SRSF7: variants seen among roughly 807,000 people sequenced by gnomAD.
The protein encoded by SRSF7 is serine and arginine rich splicing factor 7.
SRSF7 carries 15 observed loss-of-function variants against 42.2 expected under a neutral mutation model. The ratio of observed to expected loss-of-function variants is 0.36; its 90% confidence interval spans 0.24 to 0.55. The LOEUF is 0.55. Among genes scored for constraint, SRSF7 ranks in the 20% least tolerant of loss-of-function variants. The pLI is 0.88. For missense variants in SRSF7, 181 were observed against 305.9 expected, an observed-to-expected ratio of 0.59 and a Z score of 3.04; for synonymous variants, 138 against 107.9, an observed-to-expected ratio of 1.28 and a Z score of -1.73.
chr2:38,749,878 G>T, intron 2 of SRSF7, 136 bp downstream of exon 2: 1 of 1,248,724 alleles, frequency 8.0e-7, no homozygotes, highest in Non-Finnish European at 1.1e-6. Context: ...TTTAACCTTC[G>T]TGTGCCTTTA....
intron 3 of SRSF7, chr2:38,749,173 C>T: frequency 7.5e-7 from 1 of 1,325,784 alleles, no homozygotes; most frequent in Non-Finnish European, 1.0e-6. Flanking sequence ...AATTTTCTGC[C>T]CTTTAAAGAA....
At chr2:38,751,103 T>C (rs926100161) in intron 1 of SRSF7, 126 bp downstream of exon 1, 2 of 1,298,342 alleles carry the variant, frequency 1.5e-6, no homozygotes, top group African/African-American at 1.5e-5. Context: ...CGGCTTCGTC[T>C]GGCGTGCTCC....
Position 38,743,763 on chromosome 2 carries a change from A to G in SRSF7, c.*1370T>C. On this transcript the variant is annotated 3_prime_UTR_variant, in exon 8 of 8. Coordinates refer to ENST00000313117, the MANE Select transcript of SRSF7 (RefSeq NM_001031684.3). The stretch of plus-strand genomic sequence containing the variant: ...AGTCAAAATTCCAAAAACAATCCAA[A>G]TAACTTCCAACATACTAGCGGTCAA... 6.6e-6 allele frequency: 1 copy of G among 152,670 alleles called. No individual in the cohort carries two copies. The highest frequency in any genetic ancestry group is 1.5e-5 in the Non-Finnish European group (1 of 68,050). The allele number at this position is 152,670 out of a possible 1,614,324, so 9.5% of individuals were successfully genotyped here. A position where few individuals can be genotyped will look rare whatever the true frequency, so the allele number is the denominator to read the frequency against.
Position 38,748,669 on chromosome 2 carries a change from G to T in SRSF7, c.387-16C>A. The T allele has an allele frequency of 6.2e-7, 1 of 1,612,546 alleles. No individual in the cohort carries two copies. Among genetic ancestry groups the T allele is most frequent in the Non-Finnish European group, 8.5e-7 (1 of 1,178,814 alleles). On this transcript the variant is annotated splice_polypyrimidine_tract_variant and intron_variant, in intron 3 of 7. Coordinates refer to ENST00000313117, the MANE Select transcript of SRSF7 (RefSeq NM_001031684.3). ...AGACCGTGACCTATTTTTCAAGTTAGAGAAAAAACAAAATGTCAGACAATA... is the reference window on the plus strand; with the variant it reads ...AGACCGTGACCTATTTTTCAAGTTATAGAAAAAACAAAATGTCAGACAATA...
intron 6 of SRSF7, 70 bp from the exon 7 acceptor site, chr2:38,746,249 C>A: frequency 1.3e-6 from 2 of 1,520,572 alleles, no homozygotes; most frequent in South Asian, 1.1e-5. Context: ...TCACCAATAC[C>A]GTAAAACCCC....
chr2:38,749,461 C>G, intron 3 of SRSF7, 68 bp downstream of exon 3: 1 of 1,547,432 alleles, frequency 6.5e-7, no homozygotes. Flanking sequence ...ACACTAGTTT[C>G]TGCCTTGCTA....
In SRSF7 at chr2:38,745,201, C is replaced by T; in HGVS notation, c.663-14G>A. ...GATGGGGAACGACTAAAAAGAAAAA[C>T]ATTAGGTTTGGATCCAATTAGTGTC... On this transcript the variant is annotated splice_polypyrimidine_tract_variant and intron_variant, in intron 7 of 7. Coordinates refer to ENST00000313117, the MANE Select transcript of SRSF7 (RefSeq NM_001031684.3). 1 of 1,613,998 alleles carries T rather than the reference C, an allele frequency of 6.2e-7. No homozygotes were observed. The highest frequency in any genetic ancestry group is 8.5e-7 in the Non-Finnish European group (1 of 1,179,930).
At chr2:38,747,063 T>C (rs1261287772) in intron 5 of SRSF7, 5 of 513,106 alleles carry the variant, frequency 9.7e-6, no homozygotes, top group South Asian at 4.6e-5. Context: ...AAAACTAACC[T>C]CACTTAAGGC....
chr2:38,746,972 C>G, intron 5 of SRSF7: 2 of 704,044 alleles, frequency 2.8e-6, no homozygotes, highest in East Asian at 5.9e-5. Flanking sequence ...AGTTTCTGTA[C>G]AGGTATAACA....
upstream of SRSF7, chr2:38,751,365 G>T (rs1206678436): frequency 1.3e-6 from 2 of 1,491,438 alleles, no homozygotes; most frequent in Non-Finnish European, 1.9e-6. Flanking sequence ...GCACTACGAG[G>T]AAGAGCCCGG....
intron 1 of SRSF7, among the ~76,000 whole-genome samples, chr2:38,750,527 G>C (rs1485390575): frequency 1.3e-5 from 2 of 151,584 alleles, no homozygotes; most frequent in African/African-American, 2.4e-5. Flanking sequence ...GGGAGCGCGC[G>C]GGCCCGCAGC....
In SRSF7 at chr2:38,746,146, T is replaced by C; in HGVS notation, c.660A>G (p.Arg220=). The C allele has an allele frequency of 1.2e-6, 2 of 1,614,130 alleles. No homozygotes were observed. Among genetic ancestry groups the C allele is most frequent in the Non-Finnish European group, 1.7e-6 (2 of 1,180,008 alleles). ...TGGCAACAAAACATTTAGCTTACCT[T>C]CTTTTTGGAGATGGAGATCTGGACT... is the stretch of plus-strand genomic sequence containing the variant. The part of the protein sequence containing the change: ...RSKSRSPSPK[R]SRSPSGSPRR... The change falls in exon 7 of 8, where the codon AGA becomes AGG. Residue 220 remains arginine (R), a splice_region_variant and synonymous_variant. Transcript: ENST00000313117.
At chr2:38,746,559 C>G in intron 6 of SRSF7, 135 bp downstream of exon 6, 1 of 1,326,772 alleles carries the variant, frequency 7.5e-7, no homozygotes, top group Non-Finnish European at 1.0e-6. Flanking sequence ...AGGACATACA[C>G]AAATAAGGTA....
Position 38,744,529 on chromosome 2 carries a change from T to G in SRSF7, c.*604A>C. 7 of 152,242 alleles carry G rather than the reference T, an allele frequency of 4.6e-5. No homozygotes were observed. The East Asian group carries it at 1.3e-3, about 29-fold the overall frequency. 9.4% of individuals were successfully genotyped at this position (152,242 alleles called of 1,614,324 possible). A position where few individuals can be genotyped will look rare whatever the true frequency, so the allele number is the denominator to read the frequency against. On this transcript the variant is annotated 3_prime_UTR_variant, in exon 8 of 8. Transcript: ENST00000313117. The stretch of plus-strand genomic sequence containing the variant: ...CTATTTCTCATACATTTAATCAGTT[T>G]CGTTTAGTTCCTGTCATGCTCATTT...
At chr2:38,748,750 A>C in intron 3 of SRSF7, 97 bp from the exon 4 acceptor site, 1 of 1,359,558 alleles carries the variant, frequency 7.4e-7, no homozygotes, top group South Asian at 1.2e-5. Context: ...AAACTATTTA[A>C]ATTTAGTGTC....
chr2:38,745,288 A>C lies in SRSF7; in HGVS notation c.663-101T>G, dbSNP rs1667198586. 9.3e-6 allele frequency: 11 copies of C among 1,186,836 alleles called. No individual in the cohort carries two copies. In the Admixed American group the frequency reaches 2.1e-4, roughly 23 times the overall value. 73.5% of individuals were successfully genotyped at this position (1,186,836 alleles called of 1,614,324 possible). ...AACTTCAAAGGTGGCCTAAGGTACT[A>C]ATTTCCTATAGCAAAGACCTAAAAA... On this transcript the variant is annotated intron_variant, in intron 7 of 7. Coordinates refer to ENST00000313117, the MANE Select transcript of SRSF7 (RefSeq NM_001031684.3).
intron 3 of SRSF7, chr2:38,749,188 G>A (rs957305063): frequency 7.5e-7 from 1 of 1,333,300 alleles, no homozygotes; most frequent in South Asian, 1.2e-5. Flanking sequence ...AAAGAATAAG[G>A]TGAAGCTAGG....
At chr2:38,749,147 G>A in intron 3 of SRSF7, 65 of 1,318,414 alleles carry the variant, frequency 4.9e-5, no homozygotes, top group Non-Finnish European at 6.1e-5. Flanking sequence ...TTACTGTTAC[G>A]GCGATCACCG....
At chr2:38,746,599 G>C in intron 6 of SRSF7, 95 bp downstream of exon 6, 1 of 1,567,666 alleles carries the variant, frequency 6.4e-7, no homozygotes, top group Non-Finnish European at 8.7e-7. Context: ...TAAGTTTAGA[G>C]TTAACACTTA....
Sources: gnomAD v4.1 joint callset for allele counts (sites outside exome capture counted in the v4.1 genomes callset) on GRCh38, gnomAD v4.1.1 for gene constraint, MANE v1.5 for transcripts, NCBI Gene and HGNC (gene_info 2026-07-23, HGNC 2026-07-21) for gene names.